Variants in ANKRD30A observed in about 807,000 individuals in gnomAD.
ANKRD30A encodes the protein ankyrin repeat domain-containing protein 30A.
A neutral mutation model predicts 166.3 loss-of-function variants in ANKRD30A; 170 were observed. The ratio of observed to expected loss-of-function variants is 1.02; its 90% confidence interval spans 0.90 to 1.16. The LOEUF is 1.16. ANKRD30A is among the 50% of genes most tolerant of loss of function. The pLI is 0.00. For missense variants in ANKRD30A, 1,630 were observed against 1,518.0 expected (o/e 1.07, Z -1.23); for synonymous variants, 564 against 508.9 (o/e 1.11, Z -1.46).
At chr10:37,228,567 A>G (rs1843265740) in intron 34 of ANKRD30A, among the ~76,000 whole-genome samples, 1 of 151,972 alleles carries the variant, frequency 6.6e-6, no homozygotes, top group African/African-American at 2.4e-5. Flanking sequence ...AAATATTTTT[A>G]ATTTTCCAGC....
chr10:37,193,309 T>G, intron 27 of ANKRD30A, 51 bp downstream of exon 27: 2 of 1,562,188 alleles, frequency 1.3e-6, no homozygotes, highest in Non-Finnish European at 1.7e-6. Flanking sequence ...ATTAAAATAT[T>G]TGAAATGCTG....
the ANKRD30A span, among the ~76,000 whole-genome samples, chr10:37,243,546 C>CT: frequency 2.6e-5 from 4 of 152,122 alleles, no homozygotes; most frequent in Non-Finnish European, 5.9e-5. Context: ...ACTCCTGTCT[C>CT]TGACAGTAAC....
At chr10:37,192,660 C>T (rs1190631004) in intron 25 of ANKRD30A, among the ~76,000 whole-genome samples, 2 of 151,988 alleles carry the variant, frequency 1.3e-5, no homozygotes, top group Non-Finnish European at 2.9e-5. Context: ...GTTTCCTTAA[C>T]AATATGCCAT....
intron 8 of ANKRD30A, among the ~76,000 whole-genome samples, chr10:37,146,255 TC>T (rs1415861017): frequency 6.6e-6 from 1 of 152,270 alleles, no homozygotes; most frequent in Non-Finnish European, 1.5e-5. Flanking sequence ...AAGTACTTTT[TC>T]CATCAGCAGA....
At chr10:37,150,664 T>C (rs1296004079) in intron 11 of ANKRD30A, among the ~76,000 whole-genome samples, 1 of 152,108 alleles carries the variant, frequency 6.6e-6, no homozygotes, top group East Asian at 1.9e-4. Context: ...GTGACATCCA[T>C]AAAGGACACA....
intron 31 of ANKRD30A, among the ~76,000 whole-genome samples, chr10:37,210,415 C>G (rs935652877): frequency 1.2e-4 from 19 of 152,104 alleles, no homozygotes; most frequent in African/African-American, 4.1e-4. Flanking sequence ...AGAATACTCC[C>G]CCAATAAACC....
intron 27 of ANKRD30A, among the ~76,000 whole-genome samples, chr10:37,196,220 A>G (rs1164285999): frequency 2.6e-5 from 4 of 151,510 alleles, no homozygotes; most frequent in South Asian, 2.1e-4. Flanking sequence ...CTTCAGATGC[A>G]TGTAGATTAT....
chr10:37,219,988 A>AATATATATATATATATATATAT (rs71007624), intron 34 of ANKRD30A, 91 bp downstream of exon 34: 9 of 187,486 alleles, frequency 4.8e-5, no homozygotes, highest in Admixed American at 2.2e-4. Flanking sequence ...AATCTAGTTG[A>AATATATATATATATATATATAT]ATATATATAT....
Position 37,129,943 on chromosome 10 carries a change from TTC to T in ANKRD30A, c.274_275del (p.Leu92GlyfsTer8). On this transcript the variant is annotated frameshift_variant, in exon 2 of 36. Coordinates refer to ENST00000361713, the MANE Select transcript of ANKRD30A (RefSeq NM_052997.3). LOFTEE classifies it high-confidence loss of function. ...AATGGCCATGAGGAAGTAGTAACAT[TTC>T]TGGTAGACAGAAAGTGCCAGCTTGA... 6.3e-7 allele frequency: 1 copy of T among 1,579,326 alleles called. No homozygotes were observed.
chr10:37,165,220 G>A (rs1231382952), intron 18 of ANKRD30A, 65 bp downstream of exon 18: 6 of 1,452,174 alleles, frequency 4.1e-6, no homozygotes, highest in Non-Finnish European at 4.8e-6. Flanking sequence ...AAAATCAGAT[G>A]CTTAGTCTTT....
chr10:37,265,144 A>C, the ANKRD30A span, among the ~76,000 whole-genome samples: 1 of 152,140 alleles, frequency 6.6e-6, no homozygotes, highest in African/African-American at 2.4e-5. Context: ...CTGAGATTAA[A>C]GGTCTTTATA....
At chr10:37,131,828 G>C (rs1476586739) in intron 3 of ANKRD30A, among the ~76,000 whole-genome samples, 2 of 152,192 alleles carry the variant, frequency 1.3e-5, no homozygotes, top group African/African-American at 4.8e-5. Flanking sequence ...TTGGGGTACA[G>C]TGCTTCTGGT....
intron 31 of ANKRD30A, among the ~76,000 whole-genome samples, chr10:37,215,907 A>G (rs561423659): frequency 2.6e-5 from 4 of 151,388 alleles, no homozygotes; most frequent in Non-Finnish European, 4.4e-5. Flanking sequence ...TGGGCCTAGT[A>G]TATATCTTAT....
chr10:37,177,484 A>AG (rs1839822309), intron 24 of ANKRD30A, among the ~76,000 whole-genome samples: 1 of 144,732 alleles, frequency 6.9e-6, no homozygotes, highest in African/African-American at 2.5e-5. Context: ...CTTGATGTAG[A>AG]GAGGGTTATG....
Position 37,130,206 on chromosome 10 carries a change from C to A in ANKRD30A, c.338C>A (p.Ala113Asp), listed in dbSNP as rs755171334. The A allele has an allele frequency of 1.9e-6, 3 of 1,577,866 alleles. No individual in the cohort carries two copies. The highest frequency in any genetic ancestry group is 2.6e-6 in the Non-Finnish European group (3 of 1,164,334). ...TAATTCTTGCTTTAATACTGACAGG[C>A]TCTACAATGCCATCAGGAGGCTTGT... ...DGEHRTPLMK[A>D]LQCHQEACAN... The change falls in exon 3 of 36, where the codon GCT becomes GAT. Residue 113 changes from alanine to aspartate, a missense_variant and splice_region_variant. Around this residue, in one of 4 missense-constraint regions of ANKRD30A, gnomAD observed 904 missense variants for 818.5 expected, o/e 1.10. Coordinates refer to ENST00000361713, the MANE Select transcript of ANKRD30A (RefSeq NM_052997.3).
intron 31 of ANKRD30A, among the ~76,000 whole-genome samples, chr10:37,206,869 CAAAA>C (rs1274723347): frequency 6.6e-6 from 1 of 151,812 alleles, no homozygotes; most frequent in Non-Finnish European, 1.5e-5. Flanking sequence ...TAGAAACAAA[CAAAA>C]AATGCTAAAT....
intron 34 of ANKRD30A, among the ~76,000 whole-genome samples, chr10:37,221,343 CA>C (rs1435886518): frequency 1.3e-5 from 2 of 151,058 alleles, no homozygotes; most frequent in African/African-American, 4.8e-5. Context: ...GAGACAACTT[CA>C]AAAAAACTTG....
chr10:37,152,524 T>C (rs1385127910), intron 12 of ANKRD30A, among the ~76,000 whole-genome samples: 1 of 152,062 alleles, frequency 6.6e-6, no homozygotes, highest in African/African-American at 2.4e-5. Context: ...AACTGCAGTA[T>C]TGTAAAAGCT....
the ANKRD30A span, among the ~76,000 whole-genome samples, chr10:37,249,060 G>A: frequency 1.3e-5 from 2 of 152,082 alleles, no homozygotes; most frequent in African/African-American, 4.8e-5. Flanking sequence ...TGCAAGGGTG[G>A]TTCCTGGGCC....
Sources: gnomAD v4.1 joint callset for allele counts (sites outside exome capture counted in the v4.1 genomes callset) on GRCh38, gnomAD v4.1.1 for gene constraint, gnomAD v4.1.1 regional missense constraint, MANE v1.5 for transcripts, NCBI Gene and HGNC (gene_info 2026-07-23, HGNC 2026-07-21) for gene names.